The following DOCK1 variants were observed in gnomAD, a reference collection of about 807,000 sequenced individuals.
DOCK1 encodes the protein dedicator of cytokinesis 1.
A neutral mutation model predicts 262.7 loss-of-function variants in DOCK1; 138 were observed. The observed-to-expected ratio is 0.53, with a 90% CI of 0.46 to 0.61. The LOEUF is 0.61. DOCK1 is among the 20% of genes least tolerant of loss of function. The pLI is 0.00. For missense variants in DOCK1, 1,908 were observed against 2,370.7 expected (o/e 0.80, Z 4.05); for synonymous variants, 866 against 867.4 (o/e 1.00, Z 0.03).
At chr10:127,080,222 G>C (rs1386210142) in intron 23 of DOCK1, among the ~76,000 whole-genome samples, 1 of 152,062 alleles carries the variant, frequency 6.6e-6, no homozygotes, top group Non-Finnish European at 1.5e-5. Flanking sequence ...ATTTCCACCA[G>C]ATCTCCACCA....
intron 29 of DOCK1, among the ~76,000 whole-genome samples, chr10:127,274,884 A>G (rs2135219487): frequency 6.6e-6 from 1 of 152,276 alleles, no homozygotes; most frequent in African/African-American, 2.4e-5. Context: ...TGTGCTTTGG[A>G]GGACCACAAG....
chr10:126,955,717 C>T (rs1199004510), intron 1 of DOCK1, among the ~76,000 whole-genome samples: 1 of 152,076 alleles, frequency 6.6e-6, no homozygotes, highest in Non-Finnish European at 1.5e-5. Flanking sequence ...TTATTTAGTG[C>T]CTTACCTAGA....
At chr10:127,353,575 G>T (rs1403625756) in intron 31 of DOCK1, among the ~76,000 whole-genome samples, 1 of 152,234 alleles carries the variant, frequency 6.6e-6, no homozygotes, top group Non-Finnish European at 1.5e-5. Flanking sequence ...GCCTGCATCA[G>T]TGCTCACCTG....
At chr10:127,268,785 GGGGTGGTGTTT>G (rs1367922044) in intron 29 of DOCK1, among the ~76,000 whole-genome samples, 6 of 152,120 alleles carry the variant, frequency 3.9e-5, no homozygotes, top group African/African-American at 1.4e-4. Context: ...GCTTTGATTT[GGGGTGGTGTTT>G]GGGAGCAAGA....
intron 27 of DOCK1, among the ~76,000 whole-genome samples, chr10:127,205,847 CT>C (rs1316112256): frequency 6.6e-6 from 1 of 152,176 alleles, no homozygotes; most frequent in Non-Finnish European, 1.5e-5. Context: ...CTGTTCTTTA[CT>C]TCTTGACAAG....
intron 28 of DOCK1, among the ~76,000 whole-genome samples, chr10:127,255,420 C>G (rs1036034965): frequency 1.3e-5 from 2 of 151,992 alleles, no homozygotes; most frequent in African/African-American, 4.8e-5. Context: ...GAAACTAAAA[C>G]AAAAAATGCA....
At chr10:126,946,177 C>T (rs1341727715) in intron 1 of DOCK1, among the ~76,000 whole-genome samples, 1 of 152,194 alleles carries the variant, frequency 6.6e-6, no homozygotes, top group African/African-American at 2.4e-5. Flanking sequence ...GCATTAAATA[C>T]ATCTACAGTG....
chr10:127,282,594 T>G (rs2061001122), intron 29 of DOCK1, among the ~76,000 whole-genome samples: 1 of 152,136 alleles, frequency 6.6e-6, no homozygotes, highest in African/African-American at 2.4e-5. Context: ...AAAAGGCCAG[T>G]GAACACCCAC....
At chr10:127,244,276 C>T (rs1186405484) in intron 27 of DOCK1, among the ~76,000 whole-genome samples, 1 of 152,030 alleles carries the variant, frequency 6.6e-6, no homozygotes, top group Admixed American at 6.6e-5. Flanking sequence ...TGTACTTTAT[C>T]TTGCAACCCT....
At chr10:127,411,662 A>G (rs2067855395) in intron 43 of DOCK1, among the ~76,000 whole-genome samples, 1 of 152,022 alleles carries the variant, frequency 6.6e-6, no homozygotes, top group Non-Finnish European at 1.5e-5. Flanking sequence ...CCAACATGGT[A>G]AAACACTGTC....
intron 27 of DOCK1, among the ~76,000 whole-genome samples, chr10:127,183,776 G>GGTCTATAT (rs2055959158): frequency 6.6e-6 from 1 of 151,944 alleles, no homozygotes; most frequent in Admixed American, 6.6e-5. Context: ...ATAAACAAAA[G>GGTCTATAT]GTCTATATAT....
chr10:126,955,109 T>C (rs1044062434), intron 1 of DOCK1, among the ~76,000 whole-genome samples: 9 of 152,210 alleles, frequency 5.9e-5, no homozygotes, highest in African/African-American at 2.2e-4. Flanking sequence ...CATCTCCAAA[T>C]GTATCACAGT....
chr10:127,173,250 C>T (rs1326059009), intron 27 of DOCK1, among the ~76,000 whole-genome samples: 3 of 152,134 alleles, frequency 2.0e-5, no homozygotes, highest in African/African-American at 2.4e-5. Flanking sequence ...CCCCTGTCTG[C>T]AGGACAGACA....
intron 28 of DOCK1, among the ~76,000 whole-genome samples, chr10:127,249,963 T>TCC (rs2059568956): frequency 6.6e-6 from 1 of 152,228 alleles, no homozygotes; most frequent in South Asian, 2.1e-4. Flanking sequence ...GTATCCTGTT[T>TCC]ATATCCCATG....
chr10:127,262,530 G>A (rs1318788643), intron 29 of DOCK1, among the ~76,000 whole-genome samples: 1 of 152,152 alleles, frequency 6.6e-6, no homozygotes, highest in Non-Finnish European at 1.5e-5. Context: ...TGCCCTTTGT[G>A]TTGAATAAAC....
chr10:126,985,875 C>T (rs759793554), intron 4 of DOCK1, among the ~76,000 whole-genome samples: 3 of 152,034 alleles, frequency 2.0e-5, no homozygotes, highest in African/African-American at 2.4e-5. Flanking sequence ...GATGGTGTCT[C>T]GCTTTGTTGC....
At chr10:127,057,504 T>G (rs1173903337) in intron 22 of DOCK1, among the ~76,000 whole-genome samples, 2 of 152,250 alleles carry the variant, frequency 1.3e-5, no homozygotes, top group Admixed American at 1.3e-4. Flanking sequence ...TTTTTTGTTT[T>G]GTTTAGAAAG....
chr10:126,965,500 C>T (rs1283765600), intron 1 of DOCK1, among the ~76,000 whole-genome samples: 6 of 152,030 alleles, frequency 3.9e-5, no homozygotes, highest in Admixed American at 3.3e-4. Flanking sequence ...GTACATCTCA[C>T]CGAGGGGTGA....
intron 23 of DOCK1, among the ~76,000 whole-genome samples, chr10:127,062,954 A>G (rs1253675927): frequency 6.6e-6 from 1 of 152,080 alleles, no homozygotes; most frequent in Non-Finnish European, 1.5e-5. Flanking sequence ...TTCCACTCAC[A>G]TGAGGCCTGA....
Sources: allele counts gnomAD v4.1 joint callset (sites outside exome capture counted in the v4.1 genomes callset), GRCh38; gene constraint gnomAD v4.1.1; transcripts MANE v1.5; gene names NCBI Gene and HGNC (gene_info 2026-07-23, HGNC 2026-07-21).